The following RCOR1 variants were observed in gnomAD, a reference collection of about 807,000 sequenced individuals.
RCOR1 encodes REST corepressor.
Under a neutral mutation model 64.0 loss-of-function variants are expected in RCOR1, and 12 were observed. The ratio of observed to expected loss-of-function variants is 0.19; its 90% CI spans 0.12 to 0.30. RCOR1 has a LOEUF of 0.30. Among genes scored for constraint, RCOR1 ranks in the 10% least tolerant of loss-of-function variants. RCOR1 has a pLI of 1.00. For missense variants in RCOR1, 502 were observed against 621.2 expected (o/e 0.81, Z 2.04); for synonymous variants, 279 against 227.2 (o/e 1.23, Z -2.05).
chr14:102,722,053 AT>A, intron 10 of RCOR1, 133 bp from the exon 11 acceptor site: 1 of 674,278 alleles, frequency 1.5e-6, no homozygotes, highest in Admixed American at 2.8e-5. Flanking sequence ...TCCTACTCTA[AT>A]AATACACGAA....
chr14:102,653,282 A>AC (rs1664881595), intron 2 of RCOR1, among the ~76,000 whole-genome samples: 1 of 151,338 alleles, frequency 6.6e-6, no homozygotes, highest in Non-Finnish European at 1.5e-5. Context: ...GTAGTGGTGC[A>AC]ATCTTGCCTC....
chr14:102,626,397 G>A (rs1255574985), intron 2 of RCOR1, among the ~76,000 whole-genome samples: 3 of 152,200 alleles, frequency 2.0e-5, no homozygotes, highest in Non-Finnish European at 4.4e-5. Flanking sequence ...AGAGTGCTAC[G>A]TTATCCAGCA....
intron 3 of RCOR1, 98 bp downstream of exon 3, chr14:102,682,076 T>TGGCCGGGCGCGGTGGCTCACGCCTGTAA: frequency 1.5e-6 from 1 of 677,348 alleles, no homozygotes; most frequent in Non-Finnish European, 2.5e-6. Flanking sequence ...TTAAATTTCT[T>TGGCCGGGCGCGGTGGCTCACGCCTGTAA]TTCTATTTTA....
At chr14:102,639,429 C>G (rs994327951) in intron 2 of RCOR1, among the ~76,000 whole-genome samples, 1 of 151,286 alleles carries the variant, frequency 6.6e-6, no homozygotes, top group South Asian at 2.1e-4. Context: ...TTCCCCAGCT[C>G]TCCCCCTCCA....
chr14:102,627,184 C>T (rs1893997815), intron 2 of RCOR1, among the ~76,000 whole-genome samples: 1 of 152,194 alleles, frequency 6.6e-6, no homozygotes, highest in Non-Finnish European at 1.5e-5. Flanking sequence ...GTGCCTGGTA[C>T]TCTGCCTTCT....
chr14:102,708,067 G>A (rs1029039797), intron 5 of RCOR1, among the ~76,000 whole-genome samples: 4 of 151,428 alleles, frequency 2.6e-5, no homozygotes, highest in East Asian at 3.9e-4. Context: ...CCGGGTTCAC[G>A]CCATTCTCCT....
intron 2 of RCOR1, among the ~76,000 whole-genome samples, chr14:102,598,501 G>T (rs1341419847): frequency 6.9e-6 from 1 of 144,920 alleles, no homozygotes; most frequent in Non-Finnish European, 1.5e-5. Context: ...AGGCTGGAGT[G>T]CAGTGGTGTA....
At chr14:102,598,614 ATTT>A (rs1474098445) in intron 2 of RCOR1, among the ~76,000 whole-genome samples, 1 of 151,438 alleles carries the variant, frequency 6.6e-6, no homozygotes, top group Non-Finnish European at 1.5e-5. Flanking sequence ...CGCCCGGCTA[ATTT>A]TTTTGTATTT....
intron 2 of RCOR1, among the ~76,000 whole-genome samples, chr14:102,598,979 T>G (rs1285594256): frequency 6.6e-6 from 1 of 152,156 alleles, no homozygotes; most frequent in African/African-American, 2.4e-5. Flanking sequence ...TGCCGCAGAT[T>G]ATGCTGAGTT....
At chr14:102,700,811 A>G (rs922025299) in intron 3 of RCOR1, among the ~76,000 whole-genome samples, 2 of 151,978 alleles carry the variant, frequency 1.3e-5, no homozygotes, top group Admixed American at 1.3e-4. Flanking sequence ...TTAGTCTTGT[A>G]CAGGACAAGT....
rs1360321416 is a variant in RCOR1 at position 102,693,080 on chromosome 14, G to A, written c.446-8198G>A. Among the ~76,000 whole-genome samples, 3 of 151,980 alleles carry A rather than the reference G, an allele frequency of 2.0e-5. No homozygotes were observed. The East Asian group carries it at 5.8e-4, about 29-fold the overall frequency. On this transcript the variant is annotated intron_variant, in intron 3 of 11. Coordinates refer to ENST00000262241, the MANE Select transcript of RCOR1 (RefSeq NM_015156.4). Reference sequence around the variant, plus strand: ...TGCTCCCAGCCCACATCCCATTCTTGAACATTTAGATGTTCTTCTTTTTTC... The same window carrying A: ...TGCTCCCAGCCCACATCCCATTCTTAAACATTTAGATGTTCTTCTTTTTTC...
intron 7 of RCOR1, 54 bp from the exon 8 acceptor site, chr14:102,714,369 A>T: frequency 8.5e-7 from 1 of 1,179,206 alleles, no homozygotes. Context: ...TATGTTTATT[A>T]CTGATCATTT....
intron 2 of RCOR1, among the ~76,000 whole-genome samples, chr14:102,641,956 C>T (rs1894378894): frequency 6.6e-6 from 1 of 152,104 alleles, no homozygotes; most frequent in Non-Finnish European, 1.5e-5. Context: ...TTGAGCAGCA[C>T]TGAATCTGCA....
Position 102,607,820 on chromosome 14 carries a change from T to C in RCOR1, c.361+14495T>C, listed in dbSNP as rs941294933. Reference sequence around the variant, plus strand: ...TCGCTTGAACCCGGGAGGTGGAGGCTGCAGTGAGCTGAGATCGTGCCACTG... The same window carrying C: ...TCGCTTGAACCCGGGAGGTGGAGGCCGCAGTGAGCTGAGATCGTGCCACTG... On this transcript the variant is annotated intron_variant, in intron 2 of 11. Coordinates refer to ENST00000262241, the MANE Select transcript of RCOR1 (RefSeq NM_015156.4). 2.0e-5 allele frequency among the ~76,000 whole-genome samples: 3 copies of C among 152,162 alleles called. No individual in the cohort carries two copies. The South Asian group carries it at 6.2e-4, about 32-fold the overall frequency.
chr14:102,628,208 C>A (rs1375404476), intron 2 of RCOR1, among the ~76,000 whole-genome samples: 1 of 152,164 alleles, frequency 6.6e-6, no homozygotes, highest in Non-Finnish European at 1.5e-5. Flanking sequence ...GTCCCACCCA[C>A]ATTAAGGAGG....
chr14:102,699,827 G>A (rs771096065), intron 3 of RCOR1, among the ~76,000 whole-genome samples: 1 of 151,882 alleles, frequency 6.6e-6, no homozygotes, highest in Non-Finnish European at 1.5e-5. Context: ...TGAACATATG[G>A]CAGTGCTATT....
intron 7 of RCOR1, among the ~76,000 whole-genome samples, chr14:102,712,350 GT>G (rs911421517): frequency 2.3e-4 from 34 of 145,018 alleles, no homozygotes; most frequent in Non-Finnish European, 2.1e-4. Context: ...GCCCTGCTAG[GT>G]TTTTTTTTTT....
At chr14:102,615,535 A>G (rs913382567) in intron 2 of RCOR1, among the ~76,000 whole-genome samples, 16 of 124,708 alleles carry the variant, frequency 1.3e-4, no homozygotes, top group Non-Finnish European at 2.6e-4. Flanking sequence ...CGCAACCTCC[A>G]CCTCCTGGAT....
intron 3 of RCOR1, among the ~76,000 whole-genome samples, chr14:102,699,075 T>A (rs1895703363): frequency 6.6e-6 from 1 of 152,138 alleles, no homozygotes; most frequent in Non-Finnish European, 1.5e-5. Context: ...TTAGTAGAGA[T>A]GGGGTTTCAC....
Sources: gnomAD v4.1 joint callset for allele counts (sites outside exome capture counted in the v4.1 genomes callset) on GRCh38, gnomAD v4.1.1 for gene constraint, MANE v1.5 for transcripts, NCBI Gene and HGNC (gene_info 2026-07-23, HGNC 2026-07-21) for gene names.